Variants in PCSK5 observed in about 807,000 individuals in gnomAD.
PCSK5 encodes the protein proprotein convertase subtilisin/kexin type 5, also known as prohormone convertase 5.
Under a neutral mutation model 233.2 loss-of-function variants are expected in PCSK5, and 129 were observed. The ratio of observed to expected loss-of-function variants is 0.55; its 90% CI spans 0.48 to 0.64. The LOEUF (loss-of-function observed/expected upper bound fraction) is 0.64, where lower values mean the gene tolerates loss of function less well. Ranked by LOEUF, PCSK5 falls within the 30% of genes least tolerant of loss-of-function variation. The pLI, the probability that PCSK5 is intolerant of heterozygous loss-of-function variation, is 0.00. For synonymous variants in PCSK5, 825 were observed against 879.2 expected (o/e 0.94, Z 1.09); for missense variants, 2,076 against 2,430.1 (o/e 0.85, Z 3.06).
At chr9:76,034,391 C>A (rs1828768460) in intron 5 of PCSK5, among the ~76,000 whole-genome samples, 2 of 152,226 alleles carry the variant, frequency 1.3e-5, no homozygotes, top group Non-Finnish European at 2.9e-5. Flanking sequence ...TATTTCTGAA[C>A]CAAAATAAGA....
chr9:76,007,041 A>G (rs1437145421), intron 3 of PCSK5, among the ~76,000 whole-genome samples: 3 of 151,902 alleles, frequency 2.0e-5, no homozygotes, highest in African/African-American at 7.3e-5. Flanking sequence ...TCTCTTTCCC[A>G]TATTTATGCC....
At chr9:76,103,879 T>C (rs1204885678) in intron 8 of PCSK5, among the ~76,000 whole-genome samples, 1 of 152,190 alleles carries the variant, frequency 6.6e-6, no homozygotes, top group East Asian at 1.9e-4. Flanking sequence ...ATTTGGAGCA[T>C]GCAAGATGTG....
At chr9:75,938,763 G>A (rs1043672771) in intron 2 of PCSK5, among the ~76,000 whole-genome samples, 1 of 152,136 alleles carries the variant, frequency 6.6e-6, no homozygotes, top group Non-Finnish European at 1.5e-5. Flanking sequence ...ACTTCATTGG[G>A]CATATAAGGC....
At chr9:76,232,123 G>A (rs1296058938) in intron 21 of PCSK5, among the ~76,000 whole-genome samples, 1 of 152,168 alleles carries the variant, frequency 6.6e-6, no homozygotes, top group Non-Finnish European at 1.5e-5. Context: ...CCCAGTTCAG[G>A]GTTGGTTCTA....
intron 1 of PCSK5, among the ~76,000 whole-genome samples, chr9:75,898,809 C>CT (rs1211435089): frequency 3.7e-4 from 56 of 152,294 alleles, no homozygotes; most frequent in African/African-American, 1.3e-3. Context: ...CCCACTGATT[C>CT]TACCAGCACA....
At chr9:75,907,308 T>C (rs1221478242) in intron 1 of PCSK5, among the ~76,000 whole-genome samples, 2 of 152,254 alleles carry the variant, frequency 1.3e-5, no homozygotes, top group Non-Finnish European at 2.9e-5. Context: ...TTTGCAGACA[T>C]GGAACGTACG....
chr9:76,145,471 C>T (rs971422868), intron 10 of PCSK5, among the ~76,000 whole-genome samples: 1 of 152,106 alleles, frequency 6.6e-6, no homozygotes, highest in Admixed American at 6.5e-5. Flanking sequence ...GAAAATACCA[C>T]CTCCCCCCCA....
chr9:76,131,932 G>A (rs987076202), intron 9 of PCSK5, among the ~76,000 whole-genome samples: 1 of 152,066 alleles, frequency 6.6e-6, no homozygotes, highest in Non-Finnish European at 1.5e-5. Flanking sequence ...TCAAATCTAA[G>A]TGTATTCTTT....
chr9:75,893,170 C>G (rs1283504180), intron 1 of PCSK5, among the ~76,000 whole-genome samples: 1 of 152,194 alleles, frequency 6.6e-6, no homozygotes, highest in Non-Finnish European at 1.5e-5. Context: ...ACATCTCACA[C>G]ATGACCAGGC....
intron 1 of PCSK5, among the ~76,000 whole-genome samples, chr9:75,903,589 A>C (rs10115273): frequency 7.8e-6 from 1 of 128,790 alleles, no homozygotes; most frequent in Non-Finnish European, 1.6e-5. Flanking sequence ...TATATATATA[A>C]AATATATATT....
chr9:76,335,675 T>G (rs1332928800), intron 34 of PCSK5, among the ~76,000 whole-genome samples: 1 of 152,194 alleles, frequency 6.6e-6, no homozygotes, highest in Non-Finnish European at 1.5e-5. Context: ...TTGATAATTT[T>G]AAAAACCTAC....
intron 5 of PCSK5, among the ~76,000 whole-genome samples, chr9:76,067,360 A>G (rs1376818491): frequency 1.3e-5 from 2 of 152,224 alleles, no homozygotes; most frequent in East Asian, 3.8e-4. Context: ...ATATTTTAAC[A>G]TGTAGCTGGT....
intron 20 of PCSK5, 44 bp from the exon 21 acceptor site, chr9:76,227,459 T>A (rs1215590855): frequency 7.2e-7 from 1 of 1,387,114 alleles, no homozygotes; most frequent in Non-Finnish European, 1.0e-6. Flanking sequence ...CCAGGCAGGC[T>A]TGCCATGTAG....
chr9:76,120,217 T>C (rs1832580542), intron 9 of PCSK5, among the ~76,000 whole-genome samples: 1 of 152,148 alleles, frequency 6.6e-6, no homozygotes, highest in Non-Finnish European at 1.5e-5. Context: ...TGTATTCTTT[T>C]AAGTTGTTGC....
At chr9:76,100,620 A>C (rs1232222268) in intron 8 of PCSK5, among the ~76,000 whole-genome samples, 1 of 152,246 alleles carries the variant, frequency 6.6e-6, no homozygotes, top group East Asian at 1.9e-4. Context: ...GATGCATCTT[A>C]GGGATATCCA....
rs367680611 is a variant in PCSK5, at chr9:76,322,055, T to C, written c.4102+416T>C. On this transcript the variant is annotated intron_variant, in intron 31 of 37. Transcript: ENST00000674117. The stretch of plus-strand genomic sequence containing the variant: ...ACTTCTGCCTCCCATGTTTAAGCGA[T>C]TCTCCTGCCTCAGCCTCCAGAGTAG... Among the ~76,000 whole-genome samples, 47 of 152,030 alleles carry C rather than the reference T, an allele frequency of 3.1e-4. No homozygotes were observed. The East Asian group carries it at 5.8e-3, about 19-fold the overall frequency.
intron 2 of PCSK5, among the ~76,000 whole-genome samples, chr9:75,969,872 CTTTTTT>C (rs35326945): frequency 7.2e-6 from 1 of 138,440 alleles, no homozygotes; most frequent in Non-Finnish European, 1.6e-5. Context: ...TCCAGAAATC[CTTTTTT>C]TTTTTTTTTT....
intron 9 of PCSK5, among the ~76,000 whole-genome samples, chr9:76,120,289 A>G (rs1832583255): frequency 1.3e-5 from 2 of 152,100 alleles, no homozygotes; most frequent in Non-Finnish European, 2.9e-5. Context: ...TAAACATTAC[A>G]GAATCACTTC....
chr9:76,029,841 C>T (rs1419280278), intron 5 of PCSK5, among the ~76,000 whole-genome samples: 1 of 152,174 alleles, frequency 6.6e-6, no homozygotes, highest in Admixed American at 6.5e-5. Context: ...ATTGACTTTA[C>T]AAGTCAAGTT....
Sources: gnomAD v4.1 joint callset for allele counts (sites outside exome capture counted in the v4.1 genomes callset) on GRCh38, gnomAD v4.1.1 for gene constraint, MANE v1.5 for transcripts, NCBI Gene and HGNC (gene_info 2026-07-23, HGNC 2026-07-21) for gene names.